Variants in ACTN1 observed in about 807,000 individuals in gnomAD.
ACTN1 encodes alpha-actinin-1.
Under a neutral mutation model 119.6 loss-of-function variants are expected in ACTN1, and 30 were observed. The ratio of observed to expected loss-of-function variants is 0.25; its 90% CI spans 0.19 to 0.34. ACTN1 has a LOEUF of 0.34. Among genes scored for constraint, ACTN1 ranks in the 10% least tolerant of loss-of-function variants. The probability of loss-of-function intolerance (pLI) is 1.00; values close to 1 mark genes in which losing one functional copy is unlikely to be tolerated. For missense variants in ACTN1, 764 were observed against 1,223.4 expected, an observed-to-expected ratio of 0.62 and a Z score of 5.60; for synonymous variants, 429 against 472.6, an observed-to-expected ratio of 0.91 and a Z score of 1.20.
rs1370423011 is a variant in ACTN1, at chr14:68,887,663, T to C, written c.1235-2088A>G. 13 of 1,178,190 alleles carry C rather than the reference T, an allele frequency of 1.1e-5. 1 individual carries two copies. The highest frequency in any genetic ancestry group is 1.5e-5 in the Non-Finnish European group (13 of 851,604). 73.0% of individuals were successfully genotyped at this position (1,178,190 alleles called of 1,614,324 possible). A position where few individuals can be genotyped will look rare whatever the true frequency, so the allele number is the denominator to read the frequency against. ...AATGGGATGAGGTGGGATACCCTCCTTCTTAAAAATGTTTCTAGAGCTACT... is the reference window on the plus strand; with the variant it reads ...AATGGGATGAGGTGGGATACCCTCCCTCTTAAAAATGTTTCTAGAGCTACT... On this transcript the variant is annotated intron_variant, in intron 11 of 21. Transcript: ENST00000394419.
chr14:68,965,171 G>T (rs1183708574), intron 1 of ACTN1, among the ~76,000 whole-genome samples: 2 of 152,216 alleles, frequency 1.3e-5, no homozygotes, highest in East Asian at 3.8e-4. Flanking sequence ...ACTCATGGCA[G>T]ACTGTCCTTG....
Position 68,878,977 on chromosome 14 carries a change from G to A in ACTN1, c.2361+12C>T. ...GCCACCCCTGAGCGTGCTCCATGCA[G>A]GAGGCGAGTACCTGGGGGTCGTTGC... On this transcript the variant is annotated intron_variant, in intron 19 of 21. Transcript: ENST00000394419. The surrounding 1 kb of genome is among the most constrained non-coding windows in gnomAD (Gnocchi z 4.4). 1 of 1,613,300 alleles carries A rather than the reference G, an allele frequency of 6.2e-7. No individual in the cohort carries two copies. The highest frequency in any genetic ancestry group is 8.5e-7 in the Non-Finnish European group (1 of 1,179,838).
intron 8 of ACTN1, among the ~76,000 whole-genome samples, chr14:68,894,395 A>G (rs759351677): frequency 6.6e-6 from 1 of 152,228 alleles, no homozygotes; most frequent in Non-Finnish European, 1.5e-5. Context: ...CAGACAGCTA[A>G]GCACACATCA....
intron 1 of ACTN1, among the ~76,000 whole-genome samples, chr14:68,939,222 T>A (rs1383303007): frequency 2.6e-5 from 4 of 152,184 alleles, no homozygotes; most frequent in Admixed American, 2.6e-4. Context: ...ACGATCCTAG[T>A]GAAGAAACAG....
At chr14:68,912,283 C>T (rs377305928) in intron 3 of ACTN1, 41 bp from the exon 4 acceptor site, 59 of 1,550,998 alleles carry the variant, frequency 3.8e-5, no homozygotes, top group Non-Finnish European at 4.4e-5. Context: ...AGGGCCTCAG[C>T]GGGGACAGAA....
intron 11 of ACTN1, among the ~76,000 whole-genome samples, chr14:68,889,488 A>G (rs1018346256): frequency 1.3e-5 from 2 of 152,254 alleles, no homozygotes; most frequent in African/African-American, 2.4e-5. Flanking sequence ...CTTTGCAGAC[A>G]TAATTCCTTA....
At chr14:68,905,464 A>G (rs2033610144) in intron 6 of ACTN1, among the ~76,000 whole-genome samples, 1 of 152,232 alleles carries the variant, frequency 6.6e-6, no homozygotes, top group Non-Finnish European at 1.5e-5. Flanking sequence ...ACTCAAAAGA[A>G]TTGAAAGCAG....
At chr14:68,895,597 C>A (rs1434508797) in intron 8 of ACTN1, among the ~76,000 whole-genome samples, 1 of 152,146 alleles carries the variant, frequency 6.6e-6, no homozygotes, top group Non-Finnish European at 1.5e-5. Flanking sequence ...ATGTGCCACC[C>A]CGGAAGACTA....
intron 3 of ACTN1, among the ~76,000 whole-genome samples, chr14:68,918,579 C>T (rs2034460645): frequency 6.9e-6 from 1 of 145,010 alleles, no homozygotes. Context: ...AGTGAGACTC[C>T]GTCTCAAAAA....
At chr14:68,881,070 T>C in intron 16 of ACTN1, 81 bp from the exon 17 acceptor site, 3 of 1,374,872 alleles carry the variant, frequency 2.2e-6, no homozygotes, top group Non-Finnish European at 3.0e-6. Flanking sequence ...CCAAAATCAC[T>C]TATTAAGCCC....
intron 7 of ACTN1, among the ~76,000 whole-genome samples, chr14:68,903,458 A>G (rs1468192428): frequency 6.7e-6 from 1 of 149,156 alleles, no homozygotes; most frequent in African/African-American, 2.5e-5. Flanking sequence ...AATCGCTTGA[A>G]CCCAGGAGGC....
rs1346305146 is a variant in ACTN1, at chr14:68,879,694, A to G, written c.2280+268T>C. On this transcript the variant is annotated intron_variant, in intron 18 of 21. Coordinates refer to ENST00000394419, the MANE Select transcript of ACTN1 (RefSeq NM_001130004.2). This position sits in a 1 kb window ranked among gnomAD's most constrained non-coding sequence, Gnocchi z 4.9. ...TTCACTGAGGGTGACTCCTCATGGT[A>G]GGAGAGCAAGGATCAGGGGTCAAAG... is the stretch of plus-strand genomic sequence containing the variant. Among the ~76,000 whole-genome samples the G allele has an allele frequency of 6.6e-6, 1 of 151,076 alleles. No individual in the cohort carries two copies. Among genetic ancestry groups the G allele is most frequent in the African/African-American group, 2.5e-5 (1 of 40,712 alleles).
rs1363716317 is a variant in ACTN1, at chr14:68,951,040, C to T, written c.106-25368G>A. 2.6e-5 allele frequency among the ~76,000 whole-genome samples: 4 copies of T among 152,214 alleles called. No homozygotes were observed. In the East Asian group the frequency reaches 7.7e-4, roughly 29 times the overall value. Reference sequence around the variant, plus strand: ...CCTGCCTGCAGAAGGCCAAGAAACTCTCCCAAGAAGCGACGAAGGCAGACG... The same window carrying T: ...CCTGCCTGCAGAAGGCCAAGAAACTTTCCCAAGAAGCGACGAAGGCAGACG... On this transcript the variant is annotated intron_variant, in intron 1 of 21. Transcript: ENST00000394419.
intron 1 of ACTN1, among the ~76,000 whole-genome samples, chr14:68,952,331 G>C (rs879782243): frequency 6.6e-6 from 1 of 152,254 alleles, no homozygotes; most frequent in Non-Finnish European, 1.5e-5. Context: ...GACCCTGCGG[G>C]CTGCAGACAG....
chr14:68,978,753 C>G (rs933179185), intron 1 of ACTN1, 199 bp downstream of exon 1: 97 of 387,222 alleles, frequency 2.5e-4, no homozygotes, highest in Non-Finnish European at 5.9e-5. Flanking sequence ...CGTTCCCGGG[C>G]TCCGGGGCAG....
chr14:68,883,047 G>A lies in ACTN1; in HGVS notation c.1644C>T (p.Thr548=), dbSNP rs774147265. The change falls in exon 15 of 22, where the codon ACC becomes ACT. Residue 548 remains threonine (T), a synonymous_variant. Coordinates refer to ENST00000394419, the MANE Select transcript of ACTN1 (RefSeq NM_001130004.2). ...TGGCCTTGAACTGCTCATGGGCTGT[G>A]GTCAGTCCCTGGACAGAGATGGGAA... The part of the protein sequence containing the change: ...VHTIEEIQGL[T]TAHEQFKATL... 6.2e-7 allele frequency: 1 copy of A among 1,614,056 alleles called. No homozygotes were observed. Among genetic ancestry groups the A allele is most frequent in the South Asian group, 1.1e-5 (1 of 91,066 alleles).
intron 1 of ACTN1, among the ~76,000 whole-genome samples, chr14:68,952,479 T>G (rs1380604736): frequency 6.6e-6 from 1 of 152,232 alleles, no homozygotes; most frequent in Admixed American, 6.5e-5. Flanking sequence ...GGATGTCACA[T>G]GCAGTTTTCT....
chr14:68,876,157 C>A, intron 21 of ACTN1, among the ~76,000 whole-genome samples: 1 of 152,036 alleles, frequency 6.6e-6, no homozygotes, highest in East Asian at 1.9e-4. Context: ...CCACCACGCC[C>A]GGTTAATTTT....
chr14:68,888,359 T>C (rs990728610), intron 11 of ACTN1: 2 of 280,992 alleles, frequency 7.1e-6, no homozygotes, highest in Non-Finnish European at 1.4e-5. Flanking sequence ...ATCTTTGCTT[T>C]GTACCTTGGC....
Sources: gnomAD v4.1 joint callset for allele counts (sites outside exome capture counted in the v4.1 genomes callset) on GRCh38, gnomAD v4.1.1 for gene constraint, Gnocchi (gnomAD v3.1) non-coding constraint, MANE v1.5 for transcripts, NCBI Gene and HGNC (gene_info 2026-07-23, HGNC 2026-07-21) for gene names.